ARID1A: variants seen among roughly 807,000 people sequenced by gnomAD.
ARID1A encodes AT-rich interaction domain 1A, also known as AT-rich interactive domain-containing protein 1A.
A neutral mutation model predicts 212.6 loss-of-function variants in ARID1A; 20 were observed. The ratio of observed to expected loss-of-function variants is 0.09; its 90% CI spans 0.07 to 0.14. The LOEUF (loss-of-function observed/expected upper bound fraction) is 0.14. ARID1A is among the 10% of genes least tolerant of loss of function. The probability of loss-of-function intolerance (pLI) is 1.00; values close to 1 mark genes in which losing one functional copy is unlikely to be tolerated. For synonymous variants in ARID1A, 1,376 were observed against 1,222.1 expected, an observed-to-expected ratio of 1.13 and a Z score of -2.63; for missense variants, 2,587 against 3,059.0, an observed-to-expected ratio of 0.85 and a Z score of 3.64.
chr1:26,697,447 C>A lies in ARID1A; in HGVS notation c.1044C>A (p.Ala348=), dbSNP rs1419521930. Residue 348 remains alanine (A), a synonymous_variant, in exon 1 of 20, where the codon GCC becomes GCA. Transcript: ENST00000324856. ...GAAAAAAAAA[A]ASGGAQQRSH... The stretch of plus-strand genomic sequence containing the variant: ...CGGCGGCGGCAGCTGCGGCGGCGGC[C>A]GCCTCGGGAGGGGCCCAACAAAGGA... 7.4e-7 allele frequency: 1 copy of A among 1,357,912 alleles called. No homozygotes were observed. The allele number at this position is 1,357,912 out of a possible 1,614,324, so 84.1% of individuals were successfully genotyped here. A position where few individuals can be genotyped will look rare whatever the true frequency, so the allele number is the denominator to read the frequency against.
At chr1:26,736,728 C>G (rs1211141258) in intron 4 of ARID1A, among the ~76,000 whole-genome samples, 1 of 150,896 alleles carries the variant, frequency 6.6e-6, no homozygotes, top group Non-Finnish European at 1.5e-5. Context: ...CACGGAGAAA[C>G]CCCGTCTCTA....
At chr1:26,753,666 C>T (rs1438531459) in intron 4 of ARID1A, among the ~76,000 whole-genome samples, 1 of 152,230 alleles carries the variant, frequency 6.6e-6, no homozygotes, top group African/African-American at 2.4e-5. Context: ...CACCTCCCAT[C>T]TCTCAGCAGG....
intron 1 of ARID1A, among the ~76,000 whole-genome samples, chr1:26,724,169 A>G (rs1334389142): frequency 3.3e-5 from 5 of 152,162 alleles, no homozygotes; most frequent in Admixed American, 6.5e-5. Flanking sequence ...TAAATGTCCA[A>G]AAGCCAAGGT....
At position 26,732,734 on chromosome 1, in the gene ARID1A, G is replaced by T. The variant is rs2080692350; in HGVS notation, c.1862G>T (p.Ser621Ile). The T allele has an allele frequency of 6.2e-7, 1 of 1,614,092 alleles. No individual in the cohort carries two copies. ...QASSAPSMTS[S>I]KGGQEDMNLS... is the part of the protein sequence containing the mutation. Reference sequence around the variant, plus strand: ...TCCTCAGCCCCCTCAATGACCTCCAGTAAGGGAGGGCAAGAAGATATGAAC... The same window carrying T: ...TCCTCAGCCCCCTCAATGACCTCCATTAAGGGAGGGCAAGAAGATATGAAC... The change falls in exon 4 of 20, where the codon AGT becomes ATT. Residue 621 changes from serine (S) to isoleucine (I), a missense_variant. Transcript: ENST00000324856.
chr1:26,736,438 G>A (rs1328501072), intron 4 of ARID1A, among the ~76,000 whole-genome samples: 1 of 151,738 alleles, frequency 6.6e-6, no homozygotes, highest in African/African-American at 2.4e-5. Context: ...GACCAGCCTG[G>A]CCAATATGGT....
At chr1:26,761,527 C>T (rs1157523408) in intron 6 of ARID1A, 54 bp downstream of exon 6, 2 of 1,552,644 alleles carry the variant, frequency 1.3e-6, no homozygotes, top group Non-Finnish European at 1.8e-6. Flanking sequence ...CATTTGAGTG[C>T]CCTATGCAGT....
rs754134438 is a variant in ARID1A at position 26,762,312 on chromosome 1, C to G, written c.2412C>G (p.Gly804=). 1 of 1,613,776 alleles carries G rather than the reference C, an allele frequency of 6.2e-7. No homozygotes were observed. Among genetic ancestry groups the G allele is most frequent in the South Asian group, 1.1e-5 (1 of 91,058 alleles). The change falls in exon 7 of 20, where the codon GGC becomes GGG. Residue 804 remains glycine, a synonymous_variant. Transcript: ENST00000324856. ...ATGGTCCCCAGGGGGGTCAGTATGG[C>G]CCACAAGGTCAGTATACTACCCAGT... ...GSYGPQGGQY[G]PQGGYPRQPN...
At chr1:26,758,311 A>G (rs934505381) in intron 4 of ARID1A, among the ~76,000 whole-genome samples, 1 of 152,202 alleles carries the variant, frequency 6.6e-6, no homozygotes, top group African/African-American at 2.4e-5. Context: ...GGGGCTGGGC[A>G]CAGTGACTCA....
chr1:26,726,568 G>A (rs1419327846), intron 1 of ARID1A, among the ~76,000 whole-genome samples: 1 of 152,116 alleles, frequency 6.6e-6, no homozygotes, highest in East Asian at 1.9e-4. Context: ...TACCTTCAAA[G>A]TCATAACCCC....
intron 1 of ARID1A, among the ~76,000 whole-genome samples, chr1:26,725,109 T>C (rs573391466): frequency 6.6e-6 from 1 of 152,328 alleles, no homozygotes; most frequent in African/African-American, 2.4e-5. Context: ...GCTTTTGAAG[T>C]GTAATCACAG....
At chr1:26,733,437 TA>T (rs1426023935) in intron 4 of ARID1A, among the ~76,000 whole-genome samples, 1 of 152,064 alleles carries the variant, frequency 6.6e-6, no homozygotes, top group African/African-American at 2.4e-5. Context: ...CTCTGTTTCA[TA>T]GGGGTGGTGG....
At chr1:26,699,147 T>C (rs917339013) in intron 1 of ARID1A, among the ~76,000 whole-genome samples, 1 of 152,194 alleles carries the variant, frequency 6.6e-6, no homozygotes, top group African/African-American at 2.4e-5. Flanking sequence ...GCCAGTTTAT[T>C]CCTTTGCATT....
chr1:26,701,153 G>A (rs542125902), intron 1 of ARID1A, among the ~76,000 whole-genome samples: 12 of 152,156 alleles, frequency 7.9e-5, no homozygotes, highest in African/African-American at 2.7e-4. Context: ...TAGAATGAGG[G>A]AATAGGCTAA....
intron 4 of ARID1A, among the ~76,000 whole-genome samples, chr1:26,759,837 A>G (rs974712461): frequency 2.6e-5 from 4 of 152,222 alleles, no homozygotes; most frequent in African/African-American, 7.2e-5. Context: ...TTTGTTGATT[A>G]CTGTTATAGA....
rs2080250329 is a variant in ARID1A, at chr1:26,696,296, G to A, written c.-108G>A. The A allele has an allele frequency of 8.5e-7, 1 of 1,172,692 alleles. No individual in the cohort carries two copies. The highest frequency in any genetic ancestry group is 4.2e-5 in the South Asian group (1 of 23,544). The allele number at this position is 1,172,692 out of a possible 1,614,324, so 72.6% of individuals were successfully genotyped here. ...CAGCGGAGCCCCGCGAGGCCCGCCC[G>A]GGCGGGTGGGGAGGGCAGCCCGGGG... On this transcript the variant is annotated 5_prime_UTR_variant, in exon 1 of 20. Coordinates refer to ENST00000324856, the MANE Select transcript of ARID1A (RefSeq NM_006015.6).
Position 26,774,766 on chromosome 1 carries a change from C to T in ARID1A, c.4539C>T (p.Ser1513=), listed in dbSNP as rs1313195881. The T allele has an allele frequency of 6.2e-7, 1 of 1,614,124 alleles. No individual in the cohort carries two copies. The highest frequency in any genetic ancestry group is 1.3e-5 in the African/African-American group (1 of 74,934). The change falls in exon 18 of 20, where the codon AGC becomes AGT. Residue 1513 remains serine (S), a synonymous_variant. Coordinates refer to ENST00000324856, the MANE Select transcript of ARID1A (RefSeq NM_006015.6). This position sits in a 1 kb window ranked among gnomAD's most constrained non-coding sequence, Gnocchi z 5.6. ...CCTATAATTATGCCAACAGGCAGAG[C>T]ACGGGCTCTGCCCCCCAGGGCCCCG... ...DMTYNYANRQ[S]TGSAPQGPAY... is the part of the protein sequence containing the mutation.
At chr1:26,703,298 A>G (rs1419063593) in intron 1 of ARID1A, among the ~76,000 whole-genome samples, 1 of 152,204 alleles carries the variant, frequency 6.6e-6, no homozygotes, top group Non-Finnish European at 1.5e-5. Flanking sequence ...CTTCAGTGAC[A>G]CATTCTTTTT....
At chr1:26,773,956 T>C in intron 17 of ARID1A, 58 bp downstream of exon 17, 9 of 1,557,928 alleles carry the variant, frequency 5.8e-6, no homozygotes, top group Non-Finnish European at 8.0e-6. Context: ...AACTAGTTAG[T>C]AAACTAATCT....
chr1:26,715,745 C>T lies in ARID1A; in HGVS notation c.1138-13906C>T, dbSNP rs377696827. ...AAAATATGCTGGGGAGAGTGGCACACGCCTATAATCTCAGCTACTGCAGAG... is the reference window on the plus strand; with the variant it reads ...AAAATATGCTGGGGAGAGTGGCACATGCCTATAATCTCAGCTACTGCAGAG... On this transcript the variant is annotated intron_variant, in intron 1 of 19. Transcript: ENST00000324856. Among the ~76,000 whole-genome samples the T allele has an allele frequency of 1.9e-4, 29 of 152,116 alleles. No homozygotes were observed. The East Asian group carries it at 3.5e-3, about 18-fold the overall frequency.
Sources: allele counts gnomAD v4.1 joint callset (sites outside exome capture counted in the v4.1 genomes callset), GRCh38; gene constraint gnomAD v4.1.1; non-coding constraint Gnocchi (gnomAD v3.1); transcripts MANE v1.5; gene names NCBI Gene and HGNC (gene_info 2026-07-23, HGNC 2026-07-21).